Variants in SLC44A5 observed in about 807,000 individuals in gnomAD.
SLC44A5 encodes choline transporter-like protein 5.
A neutral mutation model predicts 101.8 loss-of-function variants in SLC44A5; 57 were observed. That is an observed-to-expected ratio of 0.56 (90% CI 0.45 to 0.70). The LOEUF (loss-of-function observed/expected upper bound fraction) is 0.70, where lower values mean the gene tolerates loss of function less well. SLC44A5 is among the 30% of genes least tolerant of loss of function. The probability of loss-of-function intolerance (pLI) is 0.00; values close to 1 mark genes in which losing one functional copy is unlikely to be tolerated. For missense variants in SLC44A5, 737 were observed against 853.1 expected, an observed-to-expected ratio of 0.86 and a Z score of 1.70; for synonymous variants, 281 against 290.9, an observed-to-expected ratio of 0.97 and a Z score of 0.35.
the SLC44A5 span, among the ~76,000 whole-genome samples, chr1:75,651,559 T>C: frequency 6.6e-6 from 1 of 151,636 alleles, no homozygotes; most frequent in Non-Finnish European, 1.5e-5. Flanking sequence ...TAGCTGGGCG[T>C]GGTGGTGGGT....
intron 14 of SLC44A5, among the ~76,000 whole-genome samples, chr1:75,221,397 T>C (rs1032961167): frequency 4.6e-5 from 7 of 152,202 alleles, no homozygotes; most frequent in African/African-American, 1.4e-4. Flanking sequence ...CCTTTTGGAA[T>C]AGTGTGGAAA....
At chr1:75,262,671 C>T (rs1650626626) in intron 6 of SLC44A5, among the ~76,000 whole-genome samples, 1 of 152,052 alleles carries the variant, frequency 6.6e-6, no homozygotes, top group African/African-American at 2.4e-5. Context: ...CCCGCATTGC[C>T]AAGACAATCC....
At chr1:75,313,777 A>G (rs1028573577) in intron 4 of SLC44A5, among the ~76,000 whole-genome samples, 1 of 152,232 alleles carries the variant, frequency 6.6e-6, no homozygotes, top group Non-Finnish European at 1.5e-5. Flanking sequence ...GAGAGGAAGC[A>G]GTAGGGCTCC....
chr1:75,668,138 G>A, the SLC44A5 span, among the ~76,000 whole-genome samples: 11,673 of 151,770 alleles, frequency 0.077, 1,503 homozygotes, highest in African/African-American at 0.27. Flanking sequence ...AGACAACAAC[G>A]GAATTACCTA....
At chr1:75,214,068 C>T in intron 20 of SLC44A5, 79 bp from the exon 21 acceptor site, 1 of 912,674 alleles carries the variant, frequency 1.1e-6, no homozygotes. Flanking sequence ...AGTAAATTTT[C>T]ATGAGTTTAT....
intron 6 of SLC44A5, among the ~76,000 whole-genome samples, chr1:75,261,789 C>T (rs1650530997): frequency 6.6e-6 from 1 of 152,084 alleles, no homozygotes; most frequent in African/African-American, 2.4e-5. Flanking sequence ...AAACTGAGTC[C>T]TGCAGCACAT....
intron 2 of SLC44A5, among the ~76,000 whole-genome samples, chr1:75,480,338 G>A (rs1376739142): frequency 6.6e-6 from 1 of 152,126 alleles, no homozygotes; most frequent in Non-Finnish European, 1.5e-5. Context: ...TTTGAAAACT[G>A]GCACAAGACA....
chr1:75,347,740 G>A (rs1172911325), intron 3 of SLC44A5, among the ~76,000 whole-genome samples: 1 of 151,614 alleles, frequency 6.6e-6, no homozygotes, highest in African/African-American at 2.4e-5. Flanking sequence ...AGAAATAGAT[G>A]CCTAGAGCTG....
chr1:75,640,256 C>CT, the SLC44A5 span, among the ~76,000 whole-genome samples: 1 of 151,986 alleles, frequency 6.6e-6, no homozygotes, highest in Non-Finnish European at 1.5e-5. Flanking sequence ...ACAGTCTCAG[C>CT]TTGGATGGTT....
At chr1:75,300,036 AAAAAAT>A (rs1654318203) in intron 5 of SLC44A5, among the ~76,000 whole-genome samples, 1 of 150,352 alleles carries the variant, frequency 6.7e-6, no homozygotes, top group Admixed American at 6.6e-5. Flanking sequence ...AAAAAAAAAA[AAAAAAT>A]TTCAAATAAA....
intron 1 of SLC44A5, among the ~76,000 whole-genome samples, chr1:75,553,321 C>T (rs916935987): frequency 6.6e-6 from 1 of 152,130 alleles, no homozygotes; most frequent in Non-Finnish European, 1.5e-5. Flanking sequence ...TCACATATTA[C>T]TAAATTTTTT....
chr1:75,562,043 A>C (rs1191830872), intron 1 of SLC44A5, among the ~76,000 whole-genome samples: 2 of 152,140 alleles, frequency 1.3e-5, no homozygotes, highest in Admixed American at 1.3e-4. Flanking sequence ...TACAAAAAAA[A>C]TCCTGTGACA....
intron 2 of SLC44A5, among the ~76,000 whole-genome samples, chr1:75,423,447 G>A (rs1664131349): frequency 6.6e-6 from 1 of 151,974 alleles, no homozygotes; most frequent in Non-Finnish European, 1.5e-5. Context: ...CTTGGCCCTT[G>A]GTTATTTCCC....
chr1:75,426,784 G>C (rs1240676587), intron 2 of SLC44A5, among the ~76,000 whole-genome samples: 1 of 152,232 alleles, frequency 6.6e-6, no homozygotes, highest in Non-Finnish European at 1.5e-5. Context: ...GACTTTGAAT[G>C]TGGATCCAGG....
At chr1:75,643,533 G>A in the SLC44A5 span, among the ~76,000 whole-genome samples, 3 of 152,192 alleles carry the variant, frequency 2.0e-5, no homozygotes, top group African/African-American at 7.2e-5. Context: ...TGGTTTGGCT[G>A]TGTCCCCACT....
At chr1:75,252,363 C>T (rs1041823182) in intron 6 of SLC44A5, among the ~76,000 whole-genome samples, 3 of 152,174 alleles carry the variant, frequency 2.0e-5, no homozygotes, top group Non-Finnish European at 4.4e-5. Context: ...TAAGTAGGAT[C>T]CAAATCTAAG....
chr1:75,642,463 T>C, the SLC44A5 span, among the ~76,000 whole-genome samples: 2 of 152,118 alleles, frequency 1.3e-5, no homozygotes, highest in East Asian at 3.9e-4. Context: ...GAGGCAGGGC[T>C]GAAGTGTTCG....
intron 2 of SLC44A5, among the ~76,000 whole-genome samples, chr1:75,508,922 G>A (rs1484461236): frequency 6.6e-6 from 1 of 152,230 alleles, no homozygotes; most frequent in East Asian, 1.9e-4. Context: ...ACCCACAGTG[G>A]GTTTTTCTAG....
chr1:75,305,655 T>C (rs1263877558), intron 4 of SLC44A5, among the ~76,000 whole-genome samples: 5 of 152,202 alleles, frequency 3.3e-5, no homozygotes. Flanking sequence ...TCATAGCACC[T>C]CTAGACTCCC....
Sources: gnomAD v4.1 joint callset for allele counts (sites outside exome capture counted in the v4.1 genomes callset) on GRCh38, gnomAD v4.1.1 for gene constraint, MANE v1.5 for transcripts, NCBI Gene and HGNC (gene_info 2026-07-23, HGNC 2026-07-21) for gene names.